The following IP6K3 variants were observed in gnomAD, a reference collection of about 807,000 sequenced individuals.
IP6K3 encodes ATP:1D-myo-inositol-hexakisphosphate phosphotransferase.
A neutral mutation model predicts 28.8 loss-of-function variants in IP6K3; 20 were observed. The ratio of observed to expected loss-of-function variants is 0.70; its 90% CI spans 0.49 to 1.01. The LOEUF (loss-of-function observed/expected upper bound fraction) is 1.01. Among genes scored for constraint, IP6K3 ranks in the 50% least tolerant of loss-of-function variants. IP6K3 has a pLI of 0.00. For missense variants in IP6K3, 480 were observed against 537.1 expected (o/e 0.89, Z 1.05); for synonymous variants, 213 against 221.3 (o/e 0.96, Z 0.33).
At chr6:33,724,963 C>T (rs1047134999) in intron 5 of IP6K3, among the ~76,000 whole-genome samples, 73 of 152,204 alleles carry the variant, frequency 4.8e-4, no homozygotes, top group African/African-American at 1.6e-3. Context: ...CAGTGTGGGC[C>T]GGGCGCAGTG....
upstream of IP6K3, among the ~76,000 whole-genome samples, chr6:33,747,614 G>A (rs73743336): frequency 0.11 from 16,409 of 152,126 alleles, 1,155 homozygotes; most frequent in African/African-American, 0.19. The surrounding 1 kb of genome is among the most constrained non-coding windows in gnomAD (Gnocchi z 5.2). Flanking sequence ...TGGTGAGAAG[G>A]GGGCTCTAGC....
chr6:33,732,476 G>GC (rs912977284), intron 2 of IP6K3, among the ~76,000 whole-genome samples: 1 of 152,168 alleles, frequency 6.6e-6, no homozygotes, highest in Non-Finnish European at 1.5e-5. Flanking sequence ...GGCAAGTCAC[G>GC]CCCCCTCCCT....
At chr6:33,735,133 GA>G (rs1011601638) in intron 2 of IP6K3, 144 bp downstream of exon 2, 1 of 649,294 alleles carries the variant, frequency 1.5e-6, no homozygotes, top group African/African-American at 1.8e-5. Flanking sequence ...CTAGGACAGA[GA>G]AGGCCAGCCC....
intron 2 of IP6K3, among the ~76,000 whole-genome samples, chr6:33,733,635 G>A (rs1361209189): frequency 6.6e-6 from 1 of 152,268 alleles, no homozygotes; most frequent in Non-Finnish European, 1.5e-5. Flanking sequence ...TCCAGTGGGT[G>A]CTCTGACAAG....
intron 3 of IP6K3, 199 bp downstream of exon 3, chr6:33,727,888 A>G: frequency 1.0e-6 from 1 of 985,424 alleles, no homozygotes. Context: ...ATGCATCGTA[A>G]TCCTCCCTTC....
the IP6K3 span, among the ~76,000 whole-genome samples, chr6:33,756,348 GT>G: frequency 6.6e-6 from 1 of 150,922 alleles, no homozygotes; most frequent in Non-Finnish European, 1.5e-5. Context: ...GTGTGTAGAT[GT>G]GGGAAGAGGA....
intron 1 of IP6K3, among the ~76,000 whole-genome samples, chr6:33,743,336 T>C (rs559616645): frequency 6.6e-6 from 1 of 152,360 alleles, no homozygotes; most frequent in South Asian, 2.1e-4. Flanking sequence ...GCCTGCCCTC[T>C]CACCTCTGAA....
intron 3 of IP6K3, among the ~76,000 whole-genome samples, chr6:33,727,168 A>G (rs1398303863): frequency 6.6e-6 from 1 of 152,184 alleles, no homozygotes; most frequent in African/African-American, 2.4e-5. Context: ...GGCTGAGGTG[A>G]TTTAAACTCA....
chr6:33,726,201 G>A lies in IP6K3; in HGVS notation c.589+530C>T, dbSNP rs544086772. Among the ~76,000 whole-genome samples, 3 of 152,340 alleles carry A rather than the reference G, an allele frequency of 2.0e-5. No individual in the cohort carries two copies. The South Asian group carries it at 6.2e-4, about 32-fold the overall frequency. On this transcript the variant is annotated intron_variant, in intron 4 of 5. Transcript: ENST00000293756. Reference sequence around the variant, plus strand: ...CCTAAATTTTCTTCCTGAAAACTCTGTAGGGGAGGGGGACTTACCTCCTCC... The same window carrying A: ...CCTAAATTTTCTTCCTGAAAACTCTATAGGGGAGGGGGACTTACCTCCTCC...
chr6:33,743,393 C>A (rs1417566578), intron 1 of IP6K3, among the ~76,000 whole-genome samples: 1 of 152,158 alleles, frequency 6.6e-6, no homozygotes, highest in East Asian at 1.9e-4. Context: ...AGGTTTGGTA[C>A]AAGTACCATT....
chr6:33,748,892 C>G (rs1392213381), upstream of IP6K3, among the ~76,000 whole-genome samples: 2 of 152,020 alleles, frequency 1.3e-5, no homozygotes, highest in Non-Finnish European at 1.5e-5. Flanking sequence ...CCCCCTGACT[C>G]CCCCCTGCAG....
At position 33,733,524 on chromosome 6, in the gene IP6K3, G is replaced by A. The variant is rs993548072; in HGVS notation, c.199+1754C>T. Among the ~76,000 whole-genome samples, 4 of 152,270 alleles carry A rather than the reference G, an allele frequency of 2.6e-5. No homozygotes were observed. In the South Asian group the frequency reaches 8.3e-4, roughly 31 times the overall value. On this transcript the variant is annotated intron_variant, in intron 2 of 5. Transcript: ENST00000293756. ...GCATCCATCTCAGCCCCAGAGCTGT[G>A]TGGAGCAAGCGTGAAATGGTGCTGG...
upstream of IP6K3, among the ~76,000 whole-genome samples, chr6:33,751,480 G>T (rs60263379): frequency 0.014 from 1,884 of 132,174 alleles, 43 homozygotes; most frequent in African/African-American, 0.042. This position sits in a 1 kb window ranked among gnomAD's most constrained non-coding sequence, Gnocchi z 4.3. Flanking sequence ...AACCTCTGCA[G>T]GCCGTGTGTG....
chr6:33,738,557 A>G (rs967342222), intron 1 of IP6K3, among the ~76,000 whole-genome samples: 3 of 152,176 alleles, frequency 2.0e-5, no homozygotes, highest in Admixed American at 1.3e-4. Context: ...TAATAACCCT[A>G]TGAGGCAATT....
chr6:33,755,900 T>C, the IP6K3 span, among the ~76,000 whole-genome samples: 3 of 152,226 alleles, frequency 2.0e-5, no homozygotes, highest in African/African-American at 7.2e-5. Flanking sequence ...GTCTTGCTCT[T>C]GTCACCCAGG....
In IP6K3 at chr6:33,728,264, C is replaced by T. The variant is rs1177015512; in HGVS notation, c.236G>A (p.Gly79Asp). The T allele has an allele frequency of 1.2e-6, 2 of 1,614,078 alleles. No homozygotes were observed. Among genetic ancestry groups the T allele is most frequent in the East Asian group, 2.2e-5 (1 of 44,898 alleles). Reference protein sequence around the residue: ...VTVHLWKDSTGHLSLVANPVK... With the variant: ...VTVHLWKDSTDHLSLVANPVK... ...TGGGTTGGCAACCAAGCTGAGATGG[C>T]CTGTGCTGTCTTTCCAGAGGTGCAC... The change falls in exon 3 of 6, where the codon GGC (glycine) becomes GAC (aspartate). Residue 79 changes from glycine to aspartate, a missense_variant. Transcript: ENST00000293756.
At chr6:33,731,221 T>C (rs1160636583) in intron 2 of IP6K3, among the ~76,000 whole-genome samples, 26 of 152,074 alleles carry the variant, frequency 1.7e-4, no homozygotes, top group Admixed American at 1.6e-3. Context: ...CAGGGCCCTT[T>C]TGGGTCTTGG....
chr6:33,755,243 C>T, the IP6K3 span, among the ~76,000 whole-genome samples: 1 of 152,376 alleles, frequency 6.6e-6, no homozygotes, highest in East Asian at 1.9e-4. Flanking sequence ...GTTCTGAGGC[C>T]GGAGGAGGCC....
intron 3 of IP6K3, chr6:33,727,696 G>T: frequency 2.4e-6 from 1 of 421,130 alleles, no homozygotes; most frequent in Non-Finnish European, 3.2e-6. Flanking sequence ...GGAAAGAGGT[G>T]ATTTCTGAGA....
Sources: gnomAD v4.1 joint callset for allele counts (sites outside exome capture counted in the v4.1 genomes callset) on GRCh38, gnomAD v4.1.1 for gene constraint, Gnocchi (gnomAD v3.1) non-coding constraint, MANE v1.5 for transcripts, NCBI Gene and HGNC (gene_info 2026-07-23, HGNC 2026-07-21) for gene names.